The following CELF4 variants were observed in gnomAD, a reference collection of about 807,000 sequenced individuals.
The protein encoded by CELF4 is CUGBP Elav-like family member 4.
A neutral mutation model predicts 59.9 loss-of-function variants in CELF4; 18 were observed. That is an observed-to-expected ratio of 0.30 (90% CI 0.21 to 0.45). The LOEUF is 0.45. Ranked by LOEUF, CELF4 falls within the 20% of genes least tolerant of loss-of-function variation. CELF4 has a pLI of 1.00. For synonymous variants in CELF4, 261 were observed against 267.1 expected, an observed-to-expected ratio of 0.98 and a Z score of 0.22; for missense variants, 456 against 689.0, an observed-to-expected ratio of 0.66 and a Z score of 3.79.
intron 1 of CELF4, among the ~76,000 whole-genome samples, chr18:37,534,231 G>C (rs2099971715): frequency 1.3e-5 from 2 of 152,114 alleles, no homozygotes; most frequent in Admixed American, 1.3e-4. Context: ...CTACAATTTG[G>C]TTACAGTCCT....
At chr18:37,317,497 G>A (rs1181131933) in intron 3 of CELF4, among the ~76,000 whole-genome samples, 2 of 152,212 alleles carry the variant, frequency 1.3e-5, no homozygotes, top group East Asian at 1.9e-4. Context: ...CAGGTAAGGA[G>A]ATGGAGGCCC....
chr18:37,268,499 G>A (rs1486339248), intron 8 of CELF4, among the ~76,000 whole-genome samples: 1 of 152,208 alleles, frequency 6.6e-6, no homozygotes, highest in Non-Finnish European at 1.5e-5. Flanking sequence ...GTGCCCTCAT[G>A]CAAAATATAA....
chr18:37,363,725 C>G (rs2098739263), intron 2 of CELF4, among the ~76,000 whole-genome samples: 2 of 152,228 alleles, frequency 1.3e-5, no homozygotes, highest in Admixed American at 1.3e-4. Context: ...GATGCAGGCT[C>G]TGAGCTTGCT....
intron 1 of CELF4, among the ~76,000 whole-genome samples, chr18:37,535,023 T>C (rs1015205237): frequency 2.6e-5 from 4 of 152,186 alleles, no homozygotes; most frequent in African/African-American, 9.6e-5. Context: ...CGGAAAGCTG[T>C]CCTCTGTACT....
chr18:37,349,230 T>C (rs2098382294), intron 2 of CELF4, among the ~76,000 whole-genome samples: 1 of 152,170 alleles, frequency 6.6e-6, no homozygotes, highest in Admixed American at 6.5e-5. Flanking sequence ...GGCCCTGCCC[T>C]CCCAACCTGA....
At chr18:37,392,574 A>G (rs604277) in intron 2 of CELF4, among the ~76,000 whole-genome samples, 75,767 of 152,054 alleles carry the variant, frequency 0.5, 19,720 homozygotes, top group East Asian at 0.7. Context: ...CTTCACCTCC[A>G]AAGTTCCTTT....
chr18:37,421,744 T>C (rs372886244), intron 2 of CELF4, among the ~76,000 whole-genome samples: 1 of 152,152 alleles, frequency 6.6e-6, no homozygotes, highest in East Asian at 1.9e-4. Flanking sequence ...CTTTTGAGAG[T>C]GGGCTTGTGG....
At chr18:37,557,204 C>T (rs2099985069) in intron 1 of CELF4, among the ~76,000 whole-genome samples, 1 of 152,238 alleles carries the variant, frequency 6.6e-6, no homozygotes, top group Non-Finnish European at 1.5e-5. Flanking sequence ...TGGATGTGCA[C>T]ATAGTCGCTT....
intron 2 of CELF4, among the ~76,000 whole-genome samples, chr18:37,364,914 G>A (rs868367741): frequency 2.6e-5 from 4 of 152,146 alleles, no homozygotes; most frequent in Admixed American, 1.3e-4. Flanking sequence ...GGCAGACAAC[G>A]GGTGCTAGAG....
chr18:37,417,988 G>A lies in CELF4; in HGVS notation c.369+67537C>T, dbSNP rs541039525. Reference sequence around the variant, plus strand: ...ACTTGCTTTTAACCCTCAGTTTAAAGACTGGAACCTGCCTACTTTCCTGGT... The same window carrying A: ...ACTTGCTTTTAACCCTCAGTTTAAAAACTGGAACCTGCCTACTTTCCTGGT... On this transcript the variant is annotated intron_variant, in intron 2 of 12. Coordinates refer to ENST00000420428, the MANE Select transcript of CELF4 (RefSeq NM_020180.4). Among the ~76,000 whole-genome samples the A allele has an allele frequency of 4.7e-4, 71 of 152,340 alleles. 1 individual carries two copies. Among genetic ancestry groups the A allele is most frequent in the African/African-American group, 1.6e-3 (68 of 41,584 alleles).
rs181533330 is a variant in CELF4 at position 37,366,982 on chromosome 18, C to G, written c.370-45101G>C. ...TTACAGAAAACACCATTGAAAAAGC[C>G]AAGCTCTGTGGGATCATCTTGAAAA... On this transcript the variant is annotated intron_variant, in intron 2 of 12. Coordinates refer to ENST00000420428, the MANE Select transcript of CELF4 (RefSeq NM_020180.4). Among the ~76,000 whole-genome samples, 339 of 152,328 alleles carry G rather than the reference C, an allele frequency of 2.2e-3. 1 individual carries two copies. Among genetic ancestry groups the G allele is most frequent in the Non-Finnish European group, 4.1e-3 (282 of 68,044 alleles).
intron 2 of CELF4, among the ~76,000 whole-genome samples, chr18:37,352,997 A>C (rs575954009): frequency 6.6e-6 from 1 of 152,086 alleles, no homozygotes; most frequent in Non-Finnish European, 1.5e-5. Flanking sequence ...CAAGGTGGGC[A>C]GATCAGGAAG....
At chr18:37,502,530 G>A (rs2099932969) in intron 1 of CELF4, among the ~76,000 whole-genome samples, 1 of 152,214 alleles carries the variant, frequency 6.6e-6, no homozygotes, top group Non-Finnish European at 1.5e-5. Flanking sequence ...AGACAGGACA[G>A]TGGCCCAGGA....
chr18:37,476,888 C>CCGG (rs1336656473), intron 2 of CELF4, among the ~76,000 whole-genome samples: 1 of 152,252 alleles, frequency 6.6e-6, no homozygotes, highest in Admixed American at 6.5e-5. Flanking sequence ...CACACCTGCA[C>CCGG]CGGCGGCGAA....
intron 2 of CELF4, among the ~76,000 whole-genome samples, chr18:37,472,343 G>A (rs2099835594): frequency 6.6e-6 from 1 of 152,252 alleles, no homozygotes; most frequent in Admixed American, 6.5e-5. Flanking sequence ...AGGCTATAAA[G>A]CTGGGAGGTT....
At chr18:37,415,675 C>T (rs889130750) in intron 2 of CELF4, among the ~76,000 whole-genome samples, 1 of 152,140 alleles carries the variant, frequency 6.6e-6, no homozygotes, top group Non-Finnish European at 1.5e-5. Context: ...CTTGGCAGTT[C>T]CCCCTTAATA....
intron 1 of CELF4, 121 bp from the exon 2 acceptor site, chr18:37,485,728 CTCTT>C: frequency 4.3e-6 from 2 of 464,020 alleles, no homozygotes; most frequent in Non-Finnish European, 7.1e-6. Context: ...GTCCCCACCT[CTCTT>C]TCTCTCCCGT....
intron 1 of CELF4, among the ~76,000 whole-genome samples, chr18:37,488,095 C>T (rs994357821): frequency 6.6e-6 from 1 of 152,126 alleles, no homozygotes; most frequent in African/African-American, 2.4e-5. Context: ...CTTCCCAGAA[C>T]GGCACCCCCA....
intron 3 of CELF4, among the ~76,000 whole-genome samples, chr18:37,310,575 C>T (rs1375195099): frequency 6.6e-6 from 1 of 152,190 alleles, no homozygotes; most frequent in African/African-American, 2.4e-5. Context: ...ATCCTCCTCC[C>T]CTCTGAAGGC....
Sources: allele counts gnomAD v4.1 joint callset (sites outside exome capture counted in the v4.1 genomes callset), GRCh38; gene constraint gnomAD v4.1.1; transcripts MANE v1.5; gene names NCBI Gene and HGNC (gene_info 2026-07-23, HGNC 2026-07-21).